Variants in NELL1 observed in about 807,000 individuals in gnomAD.
NELL1 encodes the protein protein kinase C-binding protein NELL1.
NELL1 carries 76 observed loss-of-function variants against 107.4 expected under a neutral mutation model. That is an observed-to-expected ratio of 0.71 (90% CI 0.59 to 0.86). The LOEUF is 0.86. NELL1 is among the 40% of genes least tolerant of loss of function. The pLI is 0.00. For synonymous variants in NELL1, 353 were observed against 341.2 expected (o/e 1.03, Z -0.38); for missense variants, 1,024 against 1,005.5 (o/e 1.02, Z -0.25).
At chr11:21,077,674 C>T (rs1484668943) in intron 12 of NELL1, among the ~76,000 whole-genome samples, 5 of 150,568 alleles carry the variant, frequency 3.3e-5, no homozygotes, top group African/African-American at 4.9e-5. Flanking sequence ...ACCTGGGAGA[C>T]GGAGGTTGCA....
intron 4 of NELL1, among the ~76,000 whole-genome samples, chr11:20,855,756 T>G (rs1848871025): frequency 6.6e-6 from 1 of 152,230 alleles, no homozygotes; most frequent in Admixed American, 6.5e-5. Context: ...AAACTCTGTT[T>G]GAAAAAAACA....
At chr11:20,854,964 A>T (rs1848856159) in intron 4 of NELL1, among the ~76,000 whole-genome samples, 1 of 152,232 alleles carries the variant, frequency 6.6e-6, no homozygotes, top group South Asian at 2.1e-4. Context: ...TTTCAGGCAA[A>T]ATAGAGAGTG....
At chr11:20,843,016 CA>C in intron 3 of NELL1, among the ~76,000 whole-genome samples, 1 of 152,218 alleles carries the variant, frequency 6.6e-6, no homozygotes, top group South Asian at 2.1e-4. Context: ...TGAGGTCTTA[CA>C]AAATTGTAGG....
intron 12 of NELL1, among the ~76,000 whole-genome samples, chr11:21,086,513 G>A (rs1338932590): frequency 2.6e-5 from 4 of 152,060 alleles, no homozygotes; most frequent in South Asian, 2.1e-4. Context: ...GTCTGATACC[G>A]GAATCTTCAC....
At chr11:20,811,957 G>T (rs191564932) in intron 3 of NELL1, among the ~76,000 whole-genome samples, 2 of 152,032 alleles carry the variant, frequency 1.3e-5, no homozygotes, top group African/African-American at 2.4e-5. Flanking sequence ...TTTAGGCTAG[G>T]ACTTCCAGTA....
At chr11:20,716,232 A>G (rs1032783112) in intron 2 of NELL1, among the ~76,000 whole-genome samples, 1 of 152,240 alleles carries the variant, frequency 6.6e-6, no homozygotes. Context: ...TGGGGACCCA[A>G]GCTCTAGCCT....
At chr11:20,682,001 A>C (rs530170527) in intron 2 of NELL1, among the ~76,000 whole-genome samples, 1 of 152,178 alleles carries the variant, frequency 6.6e-6, no homozygotes, top group East Asian at 1.9e-4. Flanking sequence ...TAATCTAAGT[A>C]TTCTCATCTC....
intron 14 of NELL1, among the ~76,000 whole-genome samples, chr11:21,350,085 A>T (rs894059337): frequency 2.6e-5 from 4 of 152,146 alleles, no homozygotes; most frequent in Non-Finnish European, 5.9e-5. Context: ...TCCAGTGATC[A>T]TCACATCCAT....
intron 14 of NELL1, among the ~76,000 whole-genome samples, chr11:21,273,370 A>C (rs558661316): frequency 6.6e-6 from 1 of 152,278 alleles, no homozygotes; most frequent in African/African-American, 2.4e-5. Context: ...ATAAAAAGAA[A>C]CGAACAAAGC....
intron 18 of NELL1, among the ~76,000 whole-genome samples, chr11:21,572,462 A>G (rs1857120397): frequency 6.6e-6 from 1 of 151,936 alleles, no homozygotes; most frequent in African/African-American, 2.4e-5. Flanking sequence ...AGATGACTGA[A>G]CAATTAAATA....
At chr11:20,764,689 C>A (rs964593483) in intron 2 of NELL1, among the ~76,000 whole-genome samples, 1 of 150,194 alleles carries the variant, frequency 6.7e-6, no homozygotes, top group African/African-American at 2.5e-5. Context: ...GATTCTGATG[C>A]ACAGTGAGTG....
chr11:21,202,141 A>G (rs924331429), intron 13 of NELL1, among the ~76,000 whole-genome samples: 1 of 152,216 alleles, frequency 6.6e-6, no homozygotes, highest in Admixed American at 6.5e-5. Context: ...TTGGCCTCAT[A>G]AAATGAGTTA....
chr11:21,507,551 G>C (rs1425174756), intron 15 of NELL1, among the ~76,000 whole-genome samples: 2 of 152,254 alleles, frequency 1.3e-5, no homozygotes, highest in South Asian at 2.1e-4. Context: ...AAAATCTGTT[G>C]AATAGAGCTT....
At chr11:20,778,670 G>A (rs555588640) in intron 2 of NELL1, among the ~76,000 whole-genome samples, 2 of 152,084 alleles carry the variant, frequency 1.3e-5, no homozygotes, top group South Asian at 2.1e-4. Flanking sequence ...TGAGCATTTG[G>A]AACGCCATTT....
intron 2 of NELL1, among the ~76,000 whole-genome samples, chr11:20,762,243 G>A (rs1856436959): frequency 6.6e-6 from 1 of 152,184 alleles, no homozygotes; most frequent in Non-Finnish European, 1.5e-5. Context: ...CAGGGATTGT[G>A]GGGTATTGCG....
chr11:20,932,084 TAGTG>T (rs1850630560), intron 9 of NELL1, among the ~76,000 whole-genome samples: 1 of 152,026 alleles, frequency 6.6e-6, no homozygotes, highest in African/African-American at 2.4e-5. Context: ...GTACCGAAAA[TAGTG>T]AGGGAGTTTC....
intron 2 of NELL1, among the ~76,000 whole-genome samples, chr11:20,739,469 C>T (rs565476571): frequency 1.2e-4 from 19 of 152,246 alleles, no homozygotes; most frequent in African/African-American, 4.6e-4. Flanking sequence ...TTAAATGTTC[C>T]CAGCAGACAA....
At chr11:20,752,691 G>A (rs548365903) in intron 2 of NELL1, among the ~76,000 whole-genome samples, 1 of 152,294 alleles carries the variant, frequency 6.6e-6, no homozygotes, top group African/African-American at 2.4e-5. Flanking sequence ...GGAGCTGTAA[G>A]AGGGCAAAAA....
rs528292627 is a variant in NELL1 at position 21,013,297 on chromosome 11, G to A, written c.1300+52737G>A. ...GCTGGGACCTGCTGGCTTATGCCCT[G>A]TGTTGGAATGGACACTTGAGTCAGG... is the stretch of plus-strand genomic sequence containing the variant. On this transcript the variant is annotated intron_variant, in intron 12 of 19. Transcript: ENST00000357134. 6.2e-4 allele frequency among the ~76,000 whole-genome samples: 94 copies of A among 152,196 alleles called. 1 individual carries two copies. The highest frequency in any genetic ancestry group is 1.2e-4 in the Non-Finnish European group (8 of 67,994).
Sources: allele counts gnomAD v4.1 joint callset (sites outside exome capture counted in the v4.1 genomes callset), GRCh38; gene constraint gnomAD v4.1.1; transcripts MANE v1.5; gene names NCBI Gene and HGNC (gene_info 2026-07-23, HGNC 2026-07-21).